INPP5F: variants seen among roughly 807,000 people sequenced by gnomAD.
The protein encoded by INPP5F is inositol polyphosphate-5-phosphatase F.
Under a neutral mutation model 137.2 loss-of-function variants are expected in INPP5F, and 97 were observed. The ratio of observed to expected loss-of-function variants is 0.71; its 90% CI spans 0.60 to 0.84. The LOEUF is 0.84. Ranked by LOEUF, INPP5F falls within the 40% of genes least tolerant of loss-of-function variation. The pLI, the probability that INPP5F is intolerant of heterozygous loss-of-function variation, is 0.00. For synonymous variants in INPP5F, 504 were observed against 476.9 expected (o/e 1.06, Z -0.74); for missense variants, 1,271 against 1,371.9 (o/e 0.93, Z 1.16).
rs777970109 is a variant in INPP5F at position 119,827,431 on chromosome 10, C to T, written c.3050C>T (p.Ser1017Phe). 6 of 1,614,088 alleles carry T rather than the reference C, an allele frequency of 3.7e-6. No individual in the cohort carries two copies. The highest frequency in any genetic ancestry group is 3.3e-4 in the Middle Eastern group (2 of 6,084). Residue 1017 changes from serine to phenylalanine, a missense_variant, in exon 20 of 20, where the codon TCT (serine) becomes TTT (phenylalanine). Physicochemically the swap from Ser to Phe is radical, Grantham distance 155. This residue lies in a region of INPP5F where 490 missense variants were observed against 443.7 expected (regional missense o/e 1.10). Transcript: ENST00000650623. ...TCTCGGCCATCGCAATTAGATGTCT[C>T]TCTTTCTGCAACAGGCCCACAGTTT... ...TPSRPSQLDVSLSATGPQFLS... is the reference protein window; with the variant it reads ...TPSRPSQLDVFLSATGPQFLS...
At chr10:119,733,737 C>T (rs908955537) in intron 1 of INPP5F, among the ~76,000 whole-genome samples, 2 of 152,056 alleles carry the variant, frequency 1.3e-5, no homozygotes, top group African/African-American at 2.4e-5. Flanking sequence ...TAGAGTAGAC[C>T]GTGAAGGTGC....
chr10:119,816,538 G>C (rs941891581), intron 15 of INPP5F: 1 of 152,218 alleles, frequency 6.6e-6, no homozygotes, highest in South Asian at 2.1e-4. Context: ...TTACTGCAAG[G>C]CTTAAAGATT....
chr10:119,781,854 A>C, intron 3 of INPP5F, 83 bp downstream of exon 3: 1 of 1,155,010 alleles, frequency 8.7e-7, no homozygotes, highest in Non-Finnish European at 1.2e-6. Flanking sequence ...TAGACCAGAA[A>C]CTTACATTTT....
intron 1 of INPP5F, among the ~76,000 whole-genome samples, chr10:119,749,464 G>C (rs1848631524): frequency 6.6e-6 from 1 of 152,216 alleles, no homozygotes; most frequent in Non-Finnish European, 1.5e-5. Context: ...CTGGGTGGTG[G>C]GATAGGTGAT....
At chr10:119,794,638 CAGGTGGG>C (rs1850264912) in intron 6 of INPP5F, among the ~76,000 whole-genome samples, 1 of 150,406 alleles carries the variant, frequency 6.6e-6, no homozygotes, top group Non-Finnish European at 1.5e-5. Flanking sequence ...GGCGGCTGGC[CAGGTGGG>C]GGGCTGACCC....
chr10:119,800,411 T>C (rs1182005039), intron 9 of INPP5F, among the ~76,000 whole-genome samples: 3 of 134,674 alleles, frequency 2.2e-5, no homozygotes, highest in African/African-American at 8.1e-5. Context: ...AAAAAAAAAA[T>C]TAACCAGGCA....
chr10:119,744,092 A>G (rs896800021), intron 1 of INPP5F, among the ~76,000 whole-genome samples: 1 of 152,188 alleles, frequency 6.6e-6, no homozygotes, highest in Non-Finnish European at 1.5e-5. Flanking sequence ...ATTTCTCCAT[A>G]CACTGTGGTT....
chr10:119,797,182 C>G (rs919370462), intron 7 of INPP5F, among the ~76,000 whole-genome samples: 4 of 152,128 alleles, frequency 2.6e-5, no homozygotes, highest in Admixed American at 1.3e-4. Context: ...TACTGGCACT[C>G]CACTGACAGC....
intron 2 of INPP5F, among the ~76,000 whole-genome samples, chr10:119,758,140 C>T (rs191411297): frequency 1.4e-4 from 21 of 152,346 alleles, no homozygotes; most frequent in African/African-American, 5.1e-4. Context: ...ACTAGTCACA[C>T]AGTTTTACCA....
At chr10:119,779,208 A>T (rs1205657290) in intron 2 of INPP5F, among the ~76,000 whole-genome samples, 1 of 152,146 alleles carries the variant, frequency 6.6e-6, no homozygotes, top group African/African-American at 2.4e-5. Context: ...TGTACAAAAG[A>T]TATGGTATGA....
intron 7 of INPP5F, 135 bp downstream of exon 7, chr10:119,797,048 C>T (rs1254131562): frequency 1.2e-6 from 1 of 848,430 alleles, no homozygotes. Flanking sequence ...ACTCTAAATA[C>T]TGTGATGTAA....
At chr10:119,727,558 T>C (rs1489520133) in intron 1 of INPP5F, among the ~76,000 whole-genome samples, 1 of 152,244 alleles carries the variant, frequency 6.6e-6, no homozygotes, top group Non-Finnish European at 1.5e-5. Context: ...TTCTGTGACC[T>C]CCAGAACACT....
intron 15 of INPP5F, 56 bp downstream of exon 15, chr10:119,812,011 T>G: frequency 7.3e-7 from 1 of 1,368,786 alleles, no homozygotes; most frequent in Non-Finnish European, 1.0e-6. Flanking sequence ...TGGGAAGTTG[T>G]CATGATTAAC....
intron 1 of INPP5F, among the ~76,000 whole-genome samples, chr10:119,727,207 A>G (rs2134093082): frequency 6.6e-6 from 1 of 152,346 alleles, no homozygotes; most frequent in Non-Finnish European, 1.5e-5. Context: ...TCACTCAGAG[A>G]TTCTTCCACT....
chr10:119,766,817 G>A (rs1849179414), intron 2 of INPP5F, among the ~76,000 whole-genome samples: 1 of 151,998 alleles, frequency 6.6e-6, no homozygotes, highest in African/African-American at 2.4e-5. Flanking sequence ...AGAAATACTA[G>A]AGAGGGCTGG....
At chr10:119,749,088 G>C (rs1008599291) in intron 1 of INPP5F, among the ~76,000 whole-genome samples, 3 of 152,226 alleles carry the variant, frequency 2.0e-5, no homozygotes, top group African/African-American at 7.2e-5. Flanking sequence ...CGGTCCCCAG[G>C]CTCGGCCACA....
At chr10:119,824,254 G>T (rs891940822) in intron 19 of INPP5F, among the ~76,000 whole-genome samples, 1 of 152,168 alleles carries the variant, frequency 6.6e-6, no homozygotes, top group African/African-American at 2.4e-5. Flanking sequence ...ATTTCACTAG[G>T]TGTTCACTAG....
intron 19 of INPP5F, 122 bp downstream of exon 19, chr10:119,824,024 G>C: frequency 1.6e-6 from 1 of 630,582 alleles, no homozygotes; most frequent in Non-Finnish European, 2.7e-6. Context: ...TATTTAGAGA[G>C]GTAAGGATCA....
At chr10:119,812,769 A>G (rs189715920) in intron 15 of INPP5F, among the ~76,000 whole-genome samples, 97 of 152,330 alleles carry the variant, frequency 6.4e-4, no homozygotes, top group Middle Eastern at 3.4e-3. Context: ...TGGATATAAT[A>G]TGTGGACTTT....
Sources: allele counts gnomAD v4.1 joint callset (sites outside exome capture counted in the v4.1 genomes callset), GRCh38; gene constraint gnomAD v4.1.1; regional missense constraint gnomAD v4.1.1; transcripts MANE v1.5; gene names NCBI Gene and HGNC (gene_info 2026-07-23, HGNC 2026-07-21).